Variants in OSBP2 observed in about 807,000 individuals in gnomAD.
OSBP2 encodes oxysterol-binding protein 2.
In OSBP2, 66 loss-of-function variants were observed where a neutral mutation model predicts 96.0. The observed-to-expected ratio is 0.69, with a 90% CI of 0.56 to 0.84. OSBP2 has a LOEUF of 0.84. OSBP2 is among the 40% of genes least tolerant of loss of function. The pLI is 0.00. For synonymous variants in OSBP2, 525 were observed against 520.9 expected, an observed-to-expected ratio of 1.01 and a Z score of -0.11; for missense variants, 1,038 against 1,222.7, an observed-to-expected ratio of 0.85 and a Z score of 2.25.
In OSBP2 at chr22:30,905,854, T is replaced by C; in HGVS notation, c.2393T>C (p.Met798Thr). 3 of 1,613,124 alleles carry C rather than the reference T, an allele frequency of 1.9e-6. No homozygotes were observed. The highest frequency in any genetic ancestry group is 4.5e-5 in the East Asian group (2 of 44,816). The change falls in exon 13 of 14, where the codon ATG (methionine) becomes ACG (threonine). Residue 798 changes from methionine (M) to threonine (T), a missense_variant. Coordinates refer to ENST00000332585, the MANE Select transcript of OSBP2 (RefSeq NM_030758.4). Reference protein sequence around the residue: ...KYPLPENAENMYYFSELALTL... With the variant: ...KYPLPENAENTYYFSELALTL... ...CGCCACAGGGAGAACGCGGAGAACA[T>C]GTACTACTTCTCAGAGCTGGCCCTG...
chr22:30,906,862 C>G lies in OSBP2; in HGVS notation c.*523C>G, dbSNP rs1041904207. The G allele has an allele frequency of 6.5e-6, 1 of 152,764 alleles. No individual in the cohort carries two copies. The highest frequency in any genetic ancestry group is 1.5e-5 in the Non-Finnish European group (1 of 68,122). 9.5% of individuals were successfully genotyped at this position (152,764 alleles called of 1,614,324 possible). On this transcript the variant is annotated 3_prime_UTR_variant, in exon 14 of 14. Coordinates refer to ENST00000332585, the MANE Select transcript of OSBP2 (RefSeq NM_030758.4). ...TTTTTAAGACATCAGGAAGCCAGAC[C>G]GCTTTGAGTTGGGAGAATTTTGTAG...
intron 1 of OSBP2, among the ~76,000 whole-genome samples, chr22:30,706,427 A>G (rs888020432): frequency 2.6e-5 from 4 of 152,000 alleles, no homozygotes; most frequent in African/African-American, 9.7e-5. Context: ...CCACAGCTCT[A>G]CATTTAATAC....
intron 3 of OSBP2, among the ~76,000 whole-genome samples, chr22:30,874,628 C>T (rs941822653): frequency 2.0e-5 from 3 of 152,204 alleles, no homozygotes; most frequent in Non-Finnish European, 2.9e-5. Flanking sequence ...GCGCTGCAGC[C>T]ATCCTCACCT....
intron 2 of OSBP2, among the ~76,000 whole-genome samples, chr22:30,860,083 C>T (rs908398318): frequency 3.9e-5 from 6 of 152,164 alleles, no homozygotes; most frequent in African/African-American, 1.4e-4. Flanking sequence ...ACCTTGGCTA[C>T]AGCACTAAAG....
At chr22:30,822,691 C>A (rs540369275) in intron 2 of OSBP2, 315 of 1,533,742 alleles carry the variant, frequency 2.1e-4, no homozygotes, top group Non-Finnish European at 2.4e-4. Context: ...CTCCGGCTGC[C>A]TGAATAAATT....
chr22:30,813,013 A>G (rs1396103916), intron 2 of OSBP2, among the ~76,000 whole-genome samples: 1 of 151,798 alleles, frequency 6.6e-6, no homozygotes, highest in Non-Finnish European at 1.5e-5. Context: ...TTTGTTGGTT[A>G]TATATTTTGT....
At chr22:30,865,216 C>T (rs2039308548) in intron 2 of OSBP2, among the ~76,000 whole-genome samples, 1 of 152,170 alleles carries the variant, frequency 6.6e-6, no homozygotes, top group Admixed American at 6.5e-5. Context: ...CCTCCTCAGC[C>T]AGAGCCACCT....
Position 30,804,398 on chromosome 22 carries a change from C to A in OSBP2, c.853+63029C>A, listed in dbSNP as rs142297507. Among the ~76,000 whole-genome samples the A allele has an allele frequency of 2.9e-4, 44 of 152,268 alleles. 1 individual carries two copies. In the East Asian group the frequency reaches 7.5e-3, roughly 26 times the overall value. The stretch of plus-strand genomic sequence containing the variant: ...TTCCGTCTATCTAGCTTAAGCTGTG[C>A]GCATCAGAAATGACTCTGGTGGGCA... On this transcript the variant is annotated intron_variant, in intron 2 of 13. Transcript: ENST00000332585.
rs1298566748 is a variant in OSBP2 at position 30,889,524 on chromosome 22, C to T, written c.1511C>T (p.Ser504Leu). ...GGTGCCTCGCTCGTGCCCAAGGGTTCATCCAAAGTCAAGAGGCGAGTCCGC... is the reference window on the plus strand; with the variant it reads ...GGTGCCTCGCTCGTGCCCAAGGGTTTATCCAAAGTCAAGAGGCGAGTCCGC... Reference protein sequence around the residue: ...LDGASLVPKGSSKVKRRVRIP... With the variant: ...LDGASLVPKGLSKVKRRVRIP... Residue 504 changes from serine (S) to leucine (L), a missense_variant, in exon 7 of 14, where the codon TCA (serine) becomes TTA (leucine). Around this residue, in one of 3 missense-constraint regions of OSBP2, gnomAD observed 737 missense variants for 913.3 expected, o/e 0.81. Transcript: ENST00000332585. 1 of 1,614,108 alleles carries T rather than the reference C, an allele frequency of 6.2e-7. No homozygotes were observed.
At chr22:30,875,402 C>T (rs945750919) in intron 3 of OSBP2, among the ~76,000 whole-genome samples, 7 of 150,876 alleles carry the variant, frequency 4.6e-5, no homozygotes, top group East Asian at 3.9e-4. Context: ...GATGGAGTTT[C>T]GCTCTTGTTG....
chr22:30,839,305 A>G (rs1334166609), intron 2 of OSBP2, among the ~76,000 whole-genome samples: 2 of 144,522 alleles, frequency 1.4e-5, no homozygotes, highest in African/African-American at 2.7e-5. Context: ...ACCACAATAA[A>G]CATATGTGTG....
At chr22:30,763,305 A>G (rs980576104) in intron 2 of OSBP2, among the ~76,000 whole-genome samples, 1 of 151,942 alleles carries the variant, frequency 6.6e-6, no homozygotes, top group African/African-American at 2.4e-5. Flanking sequence ...GGGTATTTGT[A>G]TTTTTTTTCA....
At chr22:30,905,691 G>C (rs532650584) in intron 12 of OSBP2, 146 bp from the exon 13 acceptor site, 490 of 1,250,142 alleles carry the variant, frequency 3.9e-4, no homozygotes, top group Non-Finnish European at 5.1e-4. Context: ...ACTGGGGTGG[G>C]CCCAAGGCCA....
At chr22:30,862,551 A>G (rs1012653281) in intron 2 of OSBP2, among the ~76,000 whole-genome samples, 2 of 152,170 alleles carry the variant, frequency 1.3e-5, no homozygotes, top group African/African-American at 2.4e-5. Context: ...CTGGTGGCAC[A>G]TGCCTGTAAT....
intron 2 of OSBP2, among the ~76,000 whole-genome samples, chr22:30,825,920 C>T (rs1488072908): frequency 1.3e-5 from 2 of 152,094 alleles, no homozygotes; most frequent in Admixed American, 6.5e-5. Flanking sequence ...GTCTCAGAAA[C>T]AGGAGGGGAT....
chr22:30,754,687 T>G (rs928758033), intron 2 of OSBP2, among the ~76,000 whole-genome samples: 2 of 152,190 alleles, frequency 1.3e-5, no homozygotes, highest in Non-Finnish European at 2.9e-5. Flanking sequence ...GCCTGTGTGC[T>G]GTGCTGTCCT....
chr22:30,780,376 G>C (rs1168230392), intron 2 of OSBP2, among the ~76,000 whole-genome samples: 1 of 152,198 alleles, frequency 6.6e-6, no homozygotes, highest in African/African-American at 2.4e-5. Flanking sequence ...CTCAGCCCCT[G>C]CTACGTATAA....
chr22:30,725,188 A>AAAC lies in OSBP2; in HGVS notation c.645-15973_645-15972insAAC, dbSNP rs1423088284. ...AAGACTCTGTCTCAAAAACAAAAAAACAAAAAAACAAAAAAAAAACAAAAA... is the reference window on the plus strand; with the variant it reads ...AAGACTCTGTCTCAAAAACAAAAAAAAACCAAAAAAACAAAAAAAAAACAAAAA... On this transcript the variant is annotated intron_variant, in intron 1 of 13. Coordinates refer to ENST00000332585, the MANE Select transcript of OSBP2 (RefSeq NM_030758.4). 2.9e-3 allele frequency among the ~76,000 whole-genome samples: 267 copies of AAAC among 93,076 alleles called. 2 individuals are homozygous for AAAC. The highest frequency in any genetic ancestry group is 0.01 in the African/African-American group (258 of 25,124). 61.1% of individuals were successfully genotyped at this position (93,076 alleles called of 152,430 possible). A position where few individuals can be genotyped will look rare whatever the true frequency, so the allele number is the denominator to read the frequency against.
intron 2 of OSBP2, among the ~76,000 whole-genome samples, chr22:30,855,654 T>C (rs902161538): frequency 1.3e-5 from 2 of 152,212 alleles, no homozygotes; most frequent in African/African-American, 4.8e-5. Context: ...CAAAGCCTCA[T>C]GGCCCCCACT....
Sources: gnomAD v4.1 joint callset for allele counts (sites outside exome capture counted in the v4.1 genomes callset) on GRCh38, gnomAD v4.1.1 for gene constraint, gnomAD v4.1.1 regional missense constraint, MANE v1.5 for transcripts, NCBI Gene and HGNC (gene_info 2026-07-23, HGNC 2026-07-21) for gene names.